TMEM135: variants seen among roughly 807,000 people sequenced by gnomAD.
The protein encoded by TMEM135 is peroxisomal membrane protein 52.
TMEM135 carries 30 observed loss-of-function variants against 60.3 expected under a neutral mutation model. That is an observed-to-expected ratio of 0.50 (90% CI 0.37 to 0.68). The LOEUF is 0.68. TMEM135 is among the 30% of genes least tolerant of loss of function. The pLI is 0.00. For synonymous variants in TMEM135, 190 were observed against 186.7 expected (o/e 1.02, Z -0.14); for missense variants, 468 against 548.8 (o/e 0.85, Z 1.47).
rs190275808 is a variant in TMEM135 at position 87,205,634 on chromosome 11, C to G, written c.463-31004C>G. On this transcript the variant is annotated intron_variant, in intron 5 of 14. Coordinates refer to ENST00000305494, the MANE Select transcript of TMEM135 (RefSeq NM_022918.4). Reference sequence around the variant, plus strand: ...TTTGATGCAGCAAGCTGTGTTACAGCCAGCTTTTAAAAATTATTAATTAGT... The same window carrying G: ...TTTGATGCAGCAAGCTGTGTTACAGGCAGCTTTTAAAAATTATTAATTAGT... Among the ~76,000 whole-genome samples, 3 of 152,230 alleles carry G rather than the reference C, an allele frequency of 2.0e-5. No homozygotes were observed. The East Asian group carries it at 5.8e-4, about 29-fold the overall frequency.
intron 4 of TMEM135, among the ~76,000 whole-genome samples, chr11:87,110,412 A>G (rs1857712011): frequency 6.6e-6 from 1 of 151,944 alleles, no homozygotes; most frequent in African/African-American, 2.4e-5. Context: ...ATAGTGAGCC[A>G]TGCTTGCACT....
intron 9 of TMEM135, among the ~76,000 whole-genome samples, chr11:87,307,433 G>A (rs1942570014): frequency 6.6e-6 from 1 of 151,762 alleles, no homozygotes; most frequent in South Asian, 2.1e-4. Context: ...TGATAACCTG[G>A]ATTTATTATT....
chr11:87,274,203 T>G (rs539836151), intron 6 of TMEM135, among the ~76,000 whole-genome samples: 4 of 152,184 alleles, frequency 2.6e-5, no homozygotes, highest in African/African-American at 9.6e-5. Context: ...ACTAAATAAT[T>G]CTAAATAAAT....
chr11:87,244,251 G>A (rs1257093594), intron 6 of TMEM135, among the ~76,000 whole-genome samples: 1 of 69,434 alleles, frequency 1.4e-5, no homozygotes, highest in East Asian at 2.4e-4. Context: ...GATTCGTTTT[G>A]CCAGTATTTT....
At chr11:87,310,055 A>G (rs938010383) in intron 10 of TMEM135, among the ~76,000 whole-genome samples, 2 of 152,116 alleles carry the variant, frequency 1.3e-5, no homozygotes, top group Non-Finnish European at 2.9e-5. Flanking sequence ...ATTAATTTAA[A>G]TGTATTTCAG....
intron 4 of TMEM135, among the ~76,000 whole-genome samples, chr11:87,111,280 T>G: frequency 6.6e-6 from 1 of 151,944 alleles, no homozygotes; most frequent in East Asian, 1.9e-4. Context: ...AATATATGGG[T>G]TTTCTGTATT....
At chr11:87,251,336 A>T (rs657917) in intron 6 of TMEM135, among the ~76,000 whole-genome samples, 3 of 151,798 alleles carry the variant, frequency 2.0e-5, no homozygotes, top group Non-Finnish European at 2.9e-5. Flanking sequence ...GTAGGAAAGG[A>T]GTCAGTAAAG....
At chr11:87,297,082 G>T (rs964824769) in intron 7 of TMEM135, among the ~76,000 whole-genome samples, 8 of 152,062 alleles carry the variant, frequency 5.3e-5, no homozygotes, top group African/African-American at 1.9e-4. Context: ...TTGAGACACT[G>T]AAAAAGAGAG....
At chr11:87,291,690 C>G (rs1350325160) in intron 6 of TMEM135, among the ~76,000 whole-genome samples, 1 of 151,718 alleles carries the variant, frequency 6.6e-6, no homozygotes, top group Non-Finnish European at 1.5e-5. Flanking sequence ...TTACAGGCAT[C>G]TGTCACCACG....
intron 2 of TMEM135, 65 bp from the exon 3 acceptor site, chr11:87,071,458 C>G (rs903552391): frequency 8.2e-6 from 10 of 1,226,198 alleles, no homozygotes; most frequent in Non-Finnish European, 1.1e-5. Context: ...AGGGAAACTT[C>G]TATTCATAAT....
chr11:87,054,375 G>A (rs1239751606), intron 1 of TMEM135, among the ~76,000 whole-genome samples: 1 of 152,100 alleles, frequency 6.6e-6, no homozygotes, highest in Admixed American at 6.6e-5. Context: ...CAGAGGTTGC[G>A]ATGAGCCTAG....
chr11:87,173,733 T>C (rs1043866996), intron 5 of TMEM135, among the ~76,000 whole-genome samples: 1 of 152,180 alleles, frequency 6.6e-6, no homozygotes, highest in Admixed American at 6.5e-5. Context: ...TTTATAACAG[T>C]GTGTGAACTG....
chr11:87,275,147 AT>A (rs1941945342), intron 6 of TMEM135, among the ~76,000 whole-genome samples: 1 of 152,052 alleles, frequency 6.6e-6, no homozygotes, highest in Non-Finnish European at 1.5e-5. Context: ...TGGCAATTTT[AT>A]TTCAAAGAAC....
chr11:87,234,460 T>C (rs890559481), intron 5 of TMEM135, among the ~76,000 whole-genome samples: 1 of 152,068 alleles, frequency 6.6e-6, no homozygotes, highest in African/African-American at 2.4e-5. Context: ...TGATTTATTC[T>C]CCTAATTATT....
intron 12 of TMEM135, 44 bp downstream of exon 12, chr11:87,314,591 G>A (rs1256318127): frequency 6.8e-7 from 1 of 1,467,968 alleles, no homozygotes; most frequent in Admixed American, 1.7e-5. Flanking sequence ...AGAACATAAA[G>A]CTTTTAGCTG....
At chr11:87,218,163 C>G (rs930598777) in intron 5 of TMEM135, among the ~76,000 whole-genome samples, 5 of 152,124 alleles carry the variant, frequency 3.3e-5, no homozygotes, top group Non-Finnish European at 7.4e-5. Flanking sequence ...ACAAGACAGC[C>G]CTTCTTCCCT....
intron 7 of TMEM135, among the ~76,000 whole-genome samples, chr11:87,300,838 A>G (rs1163964370): frequency 6.6e-6 from 1 of 152,200 alleles, no homozygotes; most frequent in Non-Finnish European, 1.5e-5. Flanking sequence ...CCTAGCACAG[A>G]AGAAAGATTA....
intron 5 of TMEM135, among the ~76,000 whole-genome samples, chr11:87,178,139 C>G (rs1939425192): frequency 6.6e-6 from 1 of 151,888 alleles, no homozygotes; most frequent in South Asian, 2.1e-4. Context: ...CAGCTCCCCT[C>G]CTGTCCTTGG....
At chr11:87,068,692 T>G (rs1019393890) in intron 2 of TMEM135, among the ~76,000 whole-genome samples, 1 of 151,348 alleles carries the variant, frequency 6.6e-6, no homozygotes, top group Non-Finnish European at 1.5e-5. Context: ...GCGCCTGTAG[T>G]CGCAGCTACT....
Sources: gnomAD v4.1 joint callset for allele counts (sites outside exome capture counted in the v4.1 genomes callset) on GRCh38, gnomAD v4.1.1 for gene constraint, MANE v1.5 for transcripts, NCBI Gene and HGNC (gene_info 2026-07-23, HGNC 2026-07-21) for gene names.